The following EYS variants were observed in gnomAD, a reference collection of about 807,000 sequenced individuals.
EYS encodes the protein protein eyes shut homolog.
EYS carries 250 observed loss-of-function variants against 282.1 expected under a neutral mutation model. The observed-to-expected ratio is 0.89, with a 90% CI of 0.80 to 0.98. The LOEUF is 0.98. EYS is among the 50% of genes least tolerant of loss of function. The pLI is 0.00. For synonymous variants in EYS, 1,355 were observed against 1,282.9 expected, an observed-to-expected ratio of 1.06 and a Z score of -1.20; for missense variants, 4,016 against 3,709.0, an observed-to-expected ratio of 1.08 and a Z score of -2.15.
chr6:65,195,946 A>G (rs1458047298), intron 12 of EYS, among the ~76,000 whole-genome samples: 1 of 152,084 alleles, frequency 6.6e-6, no homozygotes, highest in Non-Finnish European at 1.5e-5. Flanking sequence ...TCCAAGGAAT[A>G]TCAACCAGCC....
At chr6:64,662,199 C>A (rs1432547271) in intron 22 of EYS, among the ~76,000 whole-genome samples, 2 of 124,716 alleles carry the variant, frequency 1.6e-5, no homozygotes, top group African/African-American at 6.4e-5. Flanking sequence ...CACATGGACA[C>A]AGGAAGGGGA....
In EYS at chr6:65,014,696, T is replaced by G. The variant is rs1771987412; in HGVS notation, c.2138-16993A>C. On this transcript the variant is annotated intron_variant, in intron 13 of 42. Transcript: ENST00000503581. ...TTAAGGAATTATAATATGCCATCGA[T>G]TTTAAGGGAGTTTATTTTATGTGCC... Among the ~76,000 whole-genome samples the G allele has an allele frequency of 2.0e-5, 3 of 152,170 alleles. No individual in the cohort carries two copies. In the South Asian group the frequency reaches 6.2e-4, roughly 31 times the overall value.
chr6:65,506,035 G>A (rs116030733), intron 2 of EYS, among the ~76,000 whole-genome samples: 120 of 152,180 alleles, frequency 7.9e-4, no homozygotes, highest in African/African-American at 2.8e-3. Context: ...TTTATCACTT[G>A]TCTAACATAT....
At position 64,626,112 on chromosome 6, in the gene EYS, A is replaced by G; in HGVS notation, c.3568+9T>C. On this transcript the variant is annotated intron_variant, in intron 23 of 42. Transcript: ENST00000503581. Reference sequence around the variant, plus strand: ...TATGCAGTATGCTTATTATTTTTAAAATAATTACCTGGTTGGCATTTGCAA... The same window carrying G: ...TATGCAGTATGCTTATTATTTTTAAGATAATTACCTGGTTGGCATTTGCAA... 6.7e-7 allele frequency: 1 copy of G among 1,503,178 alleles called. No individual in the cohort carries two copies. Among genetic ancestry groups the G allele is most frequent in the Non-Finnish European group, 9.0e-7 (1 of 1,109,992 alleles). 93.1% of individuals were successfully genotyped at this position (1,503,178 alleles called of 1,614,324 possible). A position where few individuals can be genotyped will look rare whatever the true frequency, so the allele number is the denominator to read the frequency against.
chr6:63,992,322 G>T (rs1767640997), intron 34 of EYS, among the ~76,000 whole-genome samples: 1 of 151,464 alleles, frequency 6.6e-6, no homozygotes, highest in African/African-American at 2.4e-5. Flanking sequence ...TCTTTTTAAA[G>T]ATTTCAACTT....
chr6:65,598,086 C>G (rs184588749), intron 2 of EYS, among the ~76,000 whole-genome samples: 3 of 151,388 alleles, frequency 2.0e-5, no homozygotes, highest in Admixed American at 6.6e-5. Context: ...GGCAACAGAA[C>G]GAAACCTTGT....
intron 22 of EYS, among the ~76,000 whole-genome samples, chr6:64,748,440 C>T (rs141156159): frequency 6.6e-6 from 1 of 152,222 alleles, no homozygotes; most frequent in Non-Finnish European, 1.5e-5. Context: ...CTCTTGCGTG[C>T]ACAGTTCACA....
chr6:64,704,293 T>A (rs1770896741), intron 22 of EYS, among the ~76,000 whole-genome samples: 1 of 148,200 alleles, frequency 6.7e-6, no homozygotes. Context: ...ATAAATGTAA[T>A]ACTATATATT....
At chr6:63,754,049 A>G (rs900587852) in intron 41 of EYS, among the ~76,000 whole-genome samples, 6 of 152,240 alleles carry the variant, frequency 3.9e-5, no homozygotes, top group Admixed American at 6.5e-5. Context: ...CAATTAAAGC[A>G]TTCAATATCT....
intron 13 of EYS, among the ~76,000 whole-genome samples, chr6:65,023,498 C>T (rs765846542): frequency 2.6e-5 from 4 of 151,924 alleles, no homozygotes; most frequent in South Asian, 2.1e-4. Context: ...GTTGAAGTGG[C>T]GATAATTGTG....
intron 11 of EYS, among the ~76,000 whole-genome samples, chr6:65,322,701 A>G (rs927353616): frequency 7.9e-5 from 12 of 151,330 alleles, no homozygotes; most frequent in African/African-American, 2.9e-4. Context: ...AGGCTGAGGC[A>G]GGAGAATCAC....
intron 29 of EYS, among the ~76,000 whole-genome samples, chr6:64,348,423 T>A (rs1771491563): frequency 2.1e-3 from 1 of 480 alleles, no homozygotes; most frequent in Non-Finnish European, 4.2e-3. Context: ...AGTTCTTTTC[T>A]TTCTCCCATG....
intron 28 of EYS, among the ~76,000 whole-genome samples, chr6:64,393,897 C>T (rs926101801): frequency 2.0e-5 from 3 of 151,736 alleles, no homozygotes; most frequent in Non-Finnish European, 4.4e-5. Context: ...TGTCTCAGCC[C>T]AAAATCTCCT....
At chr6:64,225,517 G>T (rs550935076) in intron 31 of EYS, among the ~76,000 whole-genome samples, 15 of 152,140 alleles carry the variant, frequency 9.9e-5, no homozygotes, top group African/African-American at 3.4e-4. Flanking sequence ...TACAATATGA[G>T]AAAAATTAGA....
rs1766346696 is a variant in EYS, at chr6:64,589,908, G to GTTTTT, written c.5644+314_5644+315insAAAAA. 2.6e-5 allele frequency among the ~76,000 whole-genome samples: 4 copies of GTTTTT among 152,022 alleles called. No individual in the cohort carries two copies. The East Asian group carries it at 7.7e-4, about 29-fold the overall frequency. On this transcript the variant is annotated intron_variant, in intron 26 of 42. Coordinates refer to ENST00000503581, the MANE Select transcript of EYS (RefSeq NM_001142800.2). ...TGACAAAGAAGCTATTTCAAGAAAT[G>GTTTTT]AGAATAATAAAAGTTATTTCTAAAC...
intron 12 of EYS, among the ~76,000 whole-genome samples, chr6:65,077,584 G>C (rs933621535): frequency 4.6e-5 from 7 of 151,960 alleles, no homozygotes; most frequent in Non-Finnish European, 7.4e-5. Context: ...TTAACTTTCA[G>C]TTTTTTCTCA....
chr6:63,898,122 G>A (rs1350806538), intron 35 of EYS, among the ~76,000 whole-genome samples: 1 of 152,162 alleles, frequency 6.6e-6, no homozygotes, highest in East Asian at 1.9e-4. Context: ...CAAACATCTT[G>A]TCCCTAATAA....
chr6:64,103,808 T>A (rs1273395361), intron 31 of EYS, among the ~76,000 whole-genome samples: 1 of 151,744 alleles, frequency 6.6e-6, no homozygotes, highest in Non-Finnish European at 1.5e-5. Flanking sequence ...ATAGTACAGG[T>A]GAGAGGAAAT....
At chr6:64,602,093 C>T (rs1427908400) in intron 24 of EYS, among the ~76,000 whole-genome samples, 3 of 152,026 alleles carry the variant, frequency 2.0e-5, no homozygotes, top group African/African-American at 7.2e-5. Flanking sequence ...CTTCTGACTA[C>T]TATAGTTTGA....
Sources: gnomAD v4.1 joint callset for allele counts (sites outside exome capture counted in the v4.1 genomes callset) on GRCh38, gnomAD v4.1.1 for gene constraint, MANE v1.5 for transcripts, NCBI Gene and HGNC (gene_info 2026-07-23, HGNC 2026-07-21) for gene names.